Variants in GJA8 observed in about 807,000 individuals in gnomAD.
The protein encoded by GJA8 is gap junction alpha-8 protein.
In GJA8, 13 loss-of-function variants were observed where a neutral mutation model predicts 15.3. That is an observed-to-expected ratio of 0.85 (90% CI 0.55 to 1.35). The LOEUF (loss-of-function observed/expected upper bound fraction) is 1.35, where lower values mean the gene tolerates loss of function less well. Among genes scored for constraint, GJA8 ranks in the 40% most tolerant of loss-of-function variants. The pLI is 0.00. For synonymous variants in GJA8, 304 were observed against 238.7 expected (o/e 1.27, Z -2.52); for missense variants, 607 against 553.3 (o/e 1.10, Z -0.97).
chr1:147,908,896 G>A lies in GJA8; in HGVS notation c.941G>A (p.Arg314Gln), dbSNP rs1553242909. 1.9e-6 allele frequency: 3 copies of A among 1,613,842 alleles called. No homozygotes were observed. Among genetic ancestry groups the A allele is most frequent in the Admixed American group, 1.7e-5 (1 of 60,006 alleles). Reference protein sequence around the residue: ...ISTGPLGDLSRGYQETLPSYA... With the variant: ...ISTGPLGDLSQGYQETLPSYA... ...ACAGGACCCCTGGGGGACTTGTCCC[G>A]GGGCTACCAAGAGACACTGCCTTCC... The change falls in exon 2 of 2, where the codon CGG (arginine) becomes CAG (glutamine). Residue 314 changes from arginine (R) to glutamine (Q), a missense_variant. Arg to Gln is a conservative substitution (Grantham distance 43). Coordinates refer to ENST00000369235, the MANE Select transcript of GJA8 (RefSeq NM_005267.5).
At chr1:147,906,735 A>T (rs1462111795) in intron 1 of GJA8, among the ~76,000 whole-genome samples, 4 of 152,192 alleles carry the variant, frequency 2.6e-5, no homozygotes, top group Non-Finnish European at 4.4e-5. Context: ...AAGTCAAAGA[A>T]TTGTGTAGCT....
downstream of GJA8, among the ~76,000 whole-genome samples, chr1:147,912,303 A>C (rs1553243576): frequency 6.6e-6 from 1 of 152,174 alleles, no homozygotes; most frequent in African/African-American, 2.4e-5. Context: ...CCTGCCTCGT[A>C]GTTACCTGGT....
chr1:147,908,609 C>G lies in GJA8; in HGVS notation c.654C>G (p.Phe218Leu). 6.2e-7 allele frequency: 1 copy of G among 1,614,110 alleles called. No individual in the cohort carries two copies. The highest frequency in any genetic ancestry group is 8.5e-7 in the Non-Finnish European group (1 of 1,180,042). ...TGTCTGTGGCCTCTGTGTCCCTATT[C>G]CTCAACGTGATGGAGTTGGGCCACC... is the stretch of plus-strand genomic sequence containing the variant. ...FMLSVASVSL[F>L]LNVMELGHLG... Residue 218 changes from phenylalanine (F) to leucine (L), a missense_variant, in exon 2 of 2, where the codon TTC (phenylalanine) becomes TTG (leucine). By Grantham distance (22) the Phe-to-Leu change is conservative (BLOSUM62 0). Coordinates refer to ENST00000369235, the MANE Select transcript of GJA8 (RefSeq NM_005267.5).
the GJA8 span, among the ~76,000 whole-genome samples, chr1:147,914,280 A>AT: frequency 2.0e-5 from 3 of 152,112 alleles, no homozygotes; most frequent in Admixed American, 6.5e-5. Context: ...TTTTTCTGCA[A>AT]TTTTTTCATC....
At position 147,909,210 on chromosome 1, in the gene GJA8, C is replaced by A; in HGVS notation, c.1255C>A (p.Leu419Ile). Residue 419 changes from leucine to isoleucine, a missense_variant, in exon 2 of 2, where the codon CTA becomes ATA. Transcript: ENST00000369235. ...TTDDARPLSR[L>I]SKASSRARSD... ...AGATGATGCCAGACCCCTGAGCAGG[C>A]TAAGCAAAGCCAGCAGCCGAGCCAG... 6.6e-7 allele frequency: 1 copy of A among 1,525,242 alleles called. No homozygotes were observed. The highest frequency in any genetic ancestry group is 8.9e-7 in the Non-Finnish European group (1 of 1,123,608). 94.5% of individuals were successfully genotyped at this position (1,525,242 alleles called of 1,614,324 possible).
chr1:147,906,244 G>A (rs1651791632), intron 1 of GJA8, among the ~76,000 whole-genome samples: 1 of 152,248 alleles, frequency 6.6e-6, no homozygotes, highest in Non-Finnish European at 1.5e-5. Context: ...TCTTGCCCTG[G>A]TCTGAGGGCA....
At chr1:147,911,349 C>T (rs1330003093), downstream of GJA8, among the ~76,000 whole-genome samples, 1 of 152,172 alleles carries the variant, frequency 6.6e-6, no homozygotes, top group African/African-American at 2.4e-5. Context: ...GACAAAATTT[C>T]CATTCCTTGG....
At chr1:147,913,794 A>T (rs1652273993), downstream of GJA8, among the ~76,000 whole-genome samples, 1 of 152,216 alleles carries the variant, frequency 6.6e-6, no homozygotes, top group South Asian at 2.1e-4. Context: ...ATGATTGCCC[A>T]ACCCAGCTTA....
At chr1:147,906,408 A>G (rs1651799482) in intron 1 of GJA8, among the ~76,000 whole-genome samples, 1 of 152,170 alleles carries the variant, frequency 6.6e-6, no homozygotes, top group African/African-American at 2.4e-5. Flanking sequence ...GCTCAATGCC[A>G]TTTCCATTAG....
downstream of GJA8, among the ~76,000 whole-genome samples, chr1:147,910,327 G>A (rs184673756): frequency 4.0e-5 from 6 of 151,800 alleles, no homozygotes; most frequent in Non-Finnish European, 7.4e-5. Flanking sequence ...CTATGGAATC[G>A]GTCTTATTAT....
rs1342568372 is a variant in GJA8 at position 147,909,020 on chromosome 1, G to A, written c.1065G>A (p.Arg355=). The change falls in exon 2 of 2, where the codon AGG becomes AGA. Residue 355 remains arginine (R), a synonymous_variant. Coordinates refer to ENST00000369235, the MANE Select transcript of GJA8 (RefSeq NM_005267.5). ...GAGAGAAGAAGGAGGAAGCAGAGAGGCTGACCACGGAGGAGCAGGAGAAGG... is the reference window on the plus strand; with the variant it reads ...GAGAGAAGAAGGAGGAAGCAGAGAGACTGACCACGGAGGAGCAGGAGAAGG... ...EVGEKKEEAE[R]LTTEEQEKVA... is the part of the protein sequence containing the mutation. 8.8e-6 allele frequency: 14 copies of A among 1,595,596 alleles called. No individual in the cohort carries two copies. The East Asian group carries it at 3.2e-4, about 36-fold the overall frequency.
chr1:147,903,084 T>C (rs1352238140), intron 1 of GJA8, among the ~76,000 whole-genome samples: 1 of 152,176 alleles, frequency 6.6e-6, no homozygotes, highest in African/African-American at 2.4e-5. Flanking sequence ...GCTGGAATAA[T>C]CAGCAGGATG....
chr1:147,907,925 C>T lies in GJA8; in HGVS notation c.-11-20C>T, dbSNP rs183555827. ...TGCATTGCGGCCGCTCAGCTCTTGC[C>T]TTCTCCCTCATTTCTTCAGGTGGGT... On this transcript the variant is annotated intron_variant, in intron 1 of 1. Coordinates refer to ENST00000369235, the MANE Select transcript of GJA8 (RefSeq NM_005267.5). 4.2e-5 allele frequency: 67 copies of T among 1,577,626 alleles called. No individual in the cohort carries two copies. In the African/African-American group the frequency reaches 8.5e-4, roughly 20 times the overall value.
In GJA8 at chr1:147,908,331, C is replaced by A; in HGVS notation, c.376C>A (p.Gln126Lys). ...QQAGTNGGPD[Q>K]GSVKKSSGSK... The stretch of plus-strand genomic sequence containing the variant: ...GGCGGGGACTAACGGCGGCCCGGAC[C>A]AGGGCAGCGTCAAGAAGAGCAGCGG... Residue 126 changes from glutamine (Q) to lysine (K), a missense_variant, in exon 2 of 2, where the codon CAG (glutamine) becomes AAG (lysine). Coordinates refer to ENST00000369235, the MANE Select transcript of GJA8 (RefSeq NM_005267.5). 5 of 1,614,214 alleles carry A rather than the reference C, an allele frequency of 3.1e-6. No individual in the cohort carries two copies. The highest frequency in any genetic ancestry group is 4.2e-6 in the Non-Finnish European group (5 of 1,180,038).
intron 1 of GJA8, among the ~76,000 whole-genome samples, chr1:147,905,098 A>C (rs1439118667): frequency 6.6e-6 from 1 of 152,172 alleles, no homozygotes; most frequent in African/African-American, 2.4e-5. Flanking sequence ...TTTGTTATTT[A>C]CCATTTTTTA....
downstream of GJA8, chr1:147,909,348 C>G: frequency 1.0e-6 from 1 of 988,872 alleles, no homozygotes; most frequent in East Asian, 2.6e-5. Context: ...TCTTCTGTCT[C>G]CTGTCCTCCC....
chr1:147,913,044 A>G (rs587736366), downstream of GJA8, among the ~76,000 whole-genome samples: 1 of 152,284 alleles, frequency 6.6e-6, no homozygotes, highest in African/African-American at 2.4e-5. Context: ...ACCCACAAAG[A>G]ACACTGACAT....
At chr1:147,912,680 C>A (rs1450688595), downstream of GJA8, among the ~76,000 whole-genome samples, 1 of 151,988 alleles carries the variant, frequency 6.6e-6, no homozygotes, top group East Asian at 1.9e-4. Flanking sequence ...TAGATAAAAA[C>A]CCTAGGGCAC....
chr1:147,909,744 C>G (rs1652025710), downstream of GJA8, among the ~76,000 whole-genome samples: 2 of 152,206 alleles, frequency 1.3e-5, no homozygotes, highest in African/African-American at 4.8e-5. Context: ...CAGGCCTGTT[C>G]TAATGCAAGG....
Sources: allele counts gnomAD v4.1 joint callset (sites outside exome capture counted in the v4.1 genomes callset), GRCh38; gene constraint gnomAD v4.1.1; transcripts MANE v1.5; gene names NCBI Gene and HGNC (gene_info 2026-07-23, HGNC 2026-07-21).